Variants in CLDN14 observed in about 807,000 individuals in gnomAD.
CLDN14 encodes claudin-14.
A neutral mutation model predicts 2.1 loss-of-function variants in CLDN14; 2 were observed. The observed-to-expected ratio is 0.96, with a 90% CI of 0.39 to 3.01. CLDN14 has a LOEUF of 3.01. Ranked by LOEUF, CLDN14 falls within the 30% of genes most tolerant of loss-of-function variation. CLDN14 has a pLI of 0.09. For missense variants in CLDN14, 298 were observed against 328.0 expected (o/e 0.91, Z 0.71); for synonymous variants, 136 against 154.4 (o/e 0.88, Z 0.88).
At position 36,479,876 on chromosome 21, in the gene CLDN14, C is replaced by T. The variant is rs1386045516; in HGVS notation, c.-463G>A. 3 of 152,356 alleles carry T rather than the reference C, an allele frequency of 2.0e-5. No individual in the cohort carries two copies. The highest frequency in any genetic ancestry group is 2.9e-5 in the Non-Finnish European group (2 of 68,160). 9.4% of individuals were successfully genotyped at this position (152,356 alleles called of 1,614,324 possible). A position where few individuals can be genotyped will look rare whatever the true frequency, so the allele number is the denominator to read the frequency against. ...TAACACGCGCTCAGGATCAAGCCTC[C>T]CCTTCCCAGCCTGGCAGGGTTGCAG... is the stretch of plus-strand genomic sequence containing the variant. On this transcript the variant is annotated 5_prime_UTR_variant, in exon 1 of 2. Transcript: ENST00000399135.
intron 2 of CLDN14, chr21:36,486,399 G>T (rs2086896280): frequency 1.8e-6 from 2 of 1,112,942 alleles, no homozygotes; most frequent in South Asian, 1.3e-5. Flanking sequence ...TGCTCGTCTG[G>T]GCTCCTCATC....
chr21:36,514,692 C>T (rs2087213573), intron 1 of CLDN14, among the ~76,000 whole-genome samples: 2 of 145,600 alleles, frequency 1.4e-5, no homozygotes, highest in Admixed American at 1.4e-4. Context: ...AAGAGGAGGA[C>T]ATGGGAAGAG....
chr21:36,519,729 AC>A lies in CLDN14; in HGVS notation c.-219-9230del, dbSNP rs781319228. On this transcript the variant is annotated intron_variant, in intron 1 of 2. Transcript: ENST00000342108. Reference sequence around the variant, plus strand: ...TGTCTAAAAAACAACAACAACAACAACAACAAAACCCCAAAAACAAAAAAAC... The same window carrying A: ...TGTCTAAAAAACAACAACAACAACAAAACAAAACCCCAAAAACAAAAAAAC... Among the ~76,000 whole-genome samples the A allele has an allele frequency of 9.9e-3, 1,040 of 105,130 alleles. 2 individuals are homozygous for A. The highest frequency in any genetic ancestry group is 0.028 in the African/African-American group (990 of 35,076). The allele number at this position is 105,130 out of a possible 152,430, so 69.0% of individuals were successfully genotyped here.
At chr21:36,555,313 G>T (rs1326235929) in intron 1 of CLDN14, among the ~76,000 whole-genome samples, 3 of 126,204 alleles carry the variant, frequency 2.4e-5, no homozygotes, top group African/African-American at 8.2e-5. Flanking sequence ...AGCCAAAAGA[G>T]GAGGTCTTGG....
intron 1 of CLDN14, among the ~76,000 whole-genome samples, chr21:36,515,036 C>A (rs561811437): frequency 6.6e-6 from 1 of 152,272 alleles, no homozygotes; most frequent in East Asian, 1.9e-4. Flanking sequence ...TAGCCTGTAT[C>A]AAAAACCAAA....
At chr21:36,466,095 A>G (rs1013950009) in intron 1 of CLDN14, among the ~76,000 whole-genome samples, 1 of 152,190 alleles carries the variant, frequency 6.6e-6, no homozygotes, top group African/African-American at 2.4e-5. Flanking sequence ...GCGTGACTGT[A>G]GGACTTCTCA....
chr21:36,520,100 G>T (rs569247309), intron 1 of CLDN14, among the ~76,000 whole-genome samples: 32 of 152,168 alleles, frequency 2.1e-4, no homozygotes, highest in Middle Eastern at 3.4e-3. Context: ...ATCCTTCCTT[G>T]CCCCTCCCTG....
chr21:36,545,147 C>G (rs2087518281), intron 1 of CLDN14, among the ~76,000 whole-genome samples: 1 of 152,172 alleles, frequency 6.6e-6, no homozygotes, highest in African/African-American at 2.4e-5. Context: ...CTCTTTTTTG[C>G]ATTCTCCACT....
In CLDN14 at chr21:36,460,872, A is replaced by G. The variant is rs1386701305; in HGVS notation, c.*104T>C. 4.4e-6 allele frequency: 6 copies of G among 1,371,080 alleles called. No individual in the cohort carries two copies. In the East Asian group the frequency reaches 1.5e-4, roughly 35 times the overall value. 84.9% of individuals were successfully genotyped at this position (1,371,080 alleles called of 1,614,324 possible). ...ATTCACATTATTTCCTTGGATACAA[A>G]AATTGCCCAGAAGTAAACTTTGTGC... On this transcript the variant is annotated 3_prime_UTR_variant, in exon 2 of 2. Coordinates refer to ENST00000399135, the MANE Select transcript of CLDN14 (RefSeq NM_001146079.2). The surrounding 1 kb of genome is among the most constrained non-coding windows in gnomAD (Gnocchi z 4.0).
intron 2 of CLDN14, chr21:36,486,546 A>T (rs775136520): frequency 1.3e-6 from 2 of 1,559,798 alleles, no homozygotes; most frequent in African/African-American, 2.7e-5. Flanking sequence ...AAAATCGGAG[A>T]ACTGATGAGA....
At chr21:36,493,994 T>TG (rs368848338) in intron 2 of CLDN14, among the ~76,000 whole-genome samples, 1 of 152,018 alleles carries the variant, frequency 6.6e-6, no homozygotes, top group African/African-American at 2.4e-5. Flanking sequence ...CACTAGATCT[T>TG]GGGGGGATCA....
In CLDN14 at chr21:36,501,332, C is replaced by CT. The variant is rs58458004; in HGVS notation, c.-82+9030dup. ...AATGGGAGTTTCAGTCAATATCTCA[C>CT]TTTTTTTTTTTTTTTTTTTTTTTTT... On this transcript the variant is annotated intron_variant, in intron 2 of 2. Coordinates refer to the CLDN14 transcript ENST00000342108. Among the ~76,000 whole-genome samples, 216 of 48,426 alleles carry CT rather than the reference C, an allele frequency of 4.5e-3. 36 individuals are homozygous for CT. The highest frequency in any genetic ancestry group is 0.016 in the Admixed American group (47 of 2,890). 31.8% of individuals were successfully genotyped at this position (48,426 alleles called of 152,430 possible).
At chr21:36,535,841 T>C (rs765494345) in intron 1 of CLDN14, among the ~76,000 whole-genome samples, 5 of 152,214 alleles carry the variant, frequency 3.3e-5, no homozygotes, top group Non-Finnish European at 7.3e-5. Context: ...CTTTCTGCAG[T>C]TCAAATGGCC....
At chr21:36,531,674 G>A (rs1040159599) in intron 1 of CLDN14, among the ~76,000 whole-genome samples, 3 of 151,216 alleles carry the variant, frequency 2.0e-5, no homozygotes, top group South Asian at 2.1e-4. Context: ...GTGTCAGAGT[G>A]GACTTCAGTC....
At position 36,515,128 on chromosome 21, in the gene CLDN14, C is replaced by T. The variant is rs148309827; in HGVS notation, c.-219-4628G>A. On this transcript the variant is annotated intron_variant, in intron 1 of 2. Coordinates refer to the CLDN14 transcript ENST00000342108. ...CTATTGGGGATGTAAGATGGTGCACCGACTATGGAAACAGTAGGGAGGTTC... is the reference window on the plus strand; with the variant it reads ...CTATTGGGGATGTAAGATGGTGCACTGACTATGGAAACAGTAGGGAGGTTC... Among the ~76,000 whole-genome samples, 1,322 of 152,148 alleles carry T rather than the reference C, an allele frequency of 8.7e-3. 15 individuals carry two copies. Among genetic ancestry groups the T allele is most frequent in the African/African-American group, 0.031 (1,269 of 41,488 alleles).
intron 2 of CLDN14, among the ~76,000 whole-genome samples, chr21:36,497,981 C>T (rs1399743452): frequency 6.6e-6 from 1 of 151,656 alleles, no homozygotes; most frequent in Non-Finnish European, 1.5e-5. Flanking sequence ...CAGGGTGACA[C>T]TGTTGTCAGC....
intron 1 of CLDN14, among the ~76,000 whole-genome samples, chr21:36,463,964 GT>G (rs1240381772): frequency 6.6e-6 from 1 of 152,204 alleles, no homozygotes; most frequent in Non-Finnish European, 1.5e-5. Flanking sequence ...AGGACACGGA[GT>G]GGACTGAAGG....
chr21:36,518,672 G>T (rs1293092247), intron 1 of CLDN14, among the ~76,000 whole-genome samples: 2 of 148,254 alleles, frequency 1.3e-5, no homozygotes, highest in Non-Finnish European at 3.0e-5. Flanking sequence ...AATAAATGTG[G>T]TGTTTAATTG....
At chr21:36,517,475 G>C (rs2087237499) in intron 1 of CLDN14, among the ~76,000 whole-genome samples, 1 of 152,178 alleles carries the variant, frequency 6.6e-6, no homozygotes, top group South Asian at 2.1e-4. Flanking sequence ...CAATCTTTTG[G>C]CAACATTACT....
Sources: allele counts gnomAD v4.1 joint callset (sites outside exome capture counted in the v4.1 genomes callset), GRCh38; gene constraint gnomAD v4.1.1; non-coding constraint Gnocchi (gnomAD v3.1); transcripts MANE v1.5; gene names NCBI Gene and HGNC (gene_info 2026-07-23, HGNC 2026-07-21).